Variants in LDB2 observed in about 807,000 individuals in gnomAD.
LDB2 encodes LIM domain-binding protein 2.
A neutral mutation model predicts 44.3 loss-of-function variants in LDB2; 12 were observed. The observed-to-expected ratio is 0.27, with a 90% CI of 0.17 to 0.44. LDB2 has a LOEUF of 0.44. Ranked by LOEUF, LDB2 falls within the 20% of genes least tolerant of loss-of-function variation. LDB2 has a pLI of 1.00. For missense variants in LDB2, 344 were observed against 473.5 expected, an observed-to-expected ratio of 0.73 and a Z score of 2.54; for synonymous variants, 164 against 174.8, an observed-to-expected ratio of 0.94 and a Z score of 0.49.
intron 1 of LDB2, among the ~76,000 whole-genome samples, chr4:16,806,202 T>G (rs944290348): frequency 9.9e-5 from 15 of 152,234 alleles, no homozygotes; most frequent in Middle Eastern, 3.2e-3. Flanking sequence ...TTTCAGTTCC[T>G]GAGCAGCCAA....
At chr4:16,635,931 GC>G (rs1165089658) in intron 2 of LDB2, among the ~76,000 whole-genome samples, 2 of 152,124 alleles carry the variant, frequency 1.3e-5, no homozygotes. Flanking sequence ...TGTTTTGGAG[GC>G]TCTGGTCTTC....
intron 2 of LDB2, chr4:16,752,555 G>A (rs1765693605): frequency 2.8e-6 from 1 of 361,212 alleles, no homozygotes; most frequent in African/African-American, 2.2e-5. Flanking sequence ...ATGGTAATTT[G>A]AAGTGGCTGT....
At chr4:16,882,394 A>G (rs111939368) in intron 1 of LDB2, among the ~76,000 whole-genome samples, 36 of 152,286 alleles carry the variant, frequency 2.4e-4, no homozygotes, top group African/African-American at 8.4e-4. Flanking sequence ...CCTTTTCAGC[A>G]GAGTTCTTTC....
chr4:16,752,098 C>T (rs1209965762), intron 2 of LDB2, among the ~76,000 whole-genome samples: 1 of 152,178 alleles, frequency 6.6e-6, no homozygotes, highest in Non-Finnish European at 1.5e-5. Context: ...TTTTAAGCAA[C>T]CAAGATGCCA....
At position 16,595,797 on chromosome 4, in the gene LDB2, T is replaced by C; in HGVS notation, c.314A>G (p.Lys105Arg). Reference protein sequence around the residue: ...GGVTDLYYILKHSKESYHNSS... With the variant: ...GGVTDLYYILRHSKESYHNSS... Reference sequence around the variant, plus strand: ...GTTGTGGTATGACTCTTTCGAGTGTTTGAGAATGTAATACAGGTCGGTCAC... The same window carrying C: ...GTTGTGGTATGACTCTTTCGAGTGTCTGAGAATGTAATACAGGTCGGTCAC... Residue 105 changes from lysine to arginine, a missense_variant, in exon 3 of 8, where the codon AAA becomes AGA. Around this residue, in one of 3 missense-constraint regions of LDB2, gnomAD observed 226 missense variants for 270.1 expected, o/e 0.84. Transcript: ENST00000304523. 1.2e-6 allele frequency: 2 copies of C among 1,613,612 alleles called. No individual in the cohort carries two copies. The highest frequency in any genetic ancestry group is 1.7e-6 in the Non-Finnish European group (2 of 1,179,814).
intron 2 of LDB2, among the ~76,000 whole-genome samples, chr4:16,753,616 A>G (rs745932247): frequency 1.3e-5 from 2 of 152,190 alleles, no homozygotes; most frequent in African/African-American, 2.4e-5. Flanking sequence ...ATTTCTTAAA[A>G]CAACTTTTCT....
chr4:16,821,467 T>C (rs1372773288), intron 1 of LDB2, among the ~76,000 whole-genome samples: 5 of 149,952 alleles, frequency 3.3e-5, no homozygotes, highest in African/African-American at 1.2e-4. Context: ...CACTGCAAGC[T>C]CCACCTCCCG....
intron 2 of LDB2, among the ~76,000 whole-genome samples, chr4:16,681,747 A>G (rs999650406): frequency 7.3e-6 from 1 of 136,342 alleles, no homozygotes; most frequent in African/African-American, 2.8e-5. Context: ...ATTTTTTTGT[A>G]TTTTTAGTAG....
intron 2 of LDB2, among the ~76,000 whole-genome samples, chr4:16,671,846 C>T (rs374743869): frequency 1.1e-4 from 16 of 151,758 alleles, no homozygotes; most frequent in South Asian, 2.1e-4. Flanking sequence ...TTACACTGTC[C>T]AGGCAAAAGA....
chr4:16,714,665 T>C (rs1202413813), intron 2 of LDB2, among the ~76,000 whole-genome samples: 3 of 152,186 alleles, frequency 2.0e-5, no homozygotes, highest in Non-Finnish European at 4.4e-5. Context: ...CTTACAGTTG[T>C]AGAGGACAGA....
chr4:16,547,881 G>T (rs1347617398), intron 5 of LDB2, among the ~76,000 whole-genome samples: 1 of 152,024 alleles, frequency 6.6e-6, no homozygotes, highest in Non-Finnish European at 1.5e-5. Context: ...CATAGAAAGT[G>T]TGTTTTCTTT....
At chr4:16,783,677 T>C (rs1773797312) in intron 1 of LDB2, among the ~76,000 whole-genome samples, 1 of 152,222 alleles carries the variant, frequency 6.6e-6, no homozygotes, top group Non-Finnish European at 1.5e-5. Context: ...TACATGGTTG[T>C]TTTCTTTGCC....
chr4:16,617,962 T>C (rs1727787736), intron 2 of LDB2, among the ~76,000 whole-genome samples: 1 of 152,182 alleles, frequency 6.6e-6, no homozygotes, highest in African/African-American at 2.4e-5. Context: ...GCATTCTTTC[T>C]GACTGCTCTT....
chr4:16,600,940 G>A (rs1722410834), intron 2 of LDB2, among the ~76,000 whole-genome samples: 1 of 151,970 alleles, frequency 6.6e-6, no homozygotes, highest in Non-Finnish European at 1.5e-5. Context: ...AAAGCAGAAG[G>A]TCTGCCTTTT....
intron 2 of LDB2, among the ~76,000 whole-genome samples, chr4:16,755,891 C>T (rs1176717825): frequency 6.6e-6 from 1 of 152,134 alleles, no homozygotes; most frequent in African/African-American, 2.4e-5. Context: ...GTCTAATAAC[C>T]TGGCCCATCC....
chr4:16,898,308 G>C (rs1299003120), intron 1 of LDB2, 46 bp downstream of exon 1: 1 of 1,587,622 alleles, frequency 6.3e-7, no homozygotes, highest in South Asian at 1.1e-5. Flanking sequence ...CTCATGCATA[G>C]CTTAACAAAA....
Position 16,618,041 on chromosome 4 carries a change from G to C in LDB2, c.236-22166C>G, listed in dbSNP as rs535853745. 3.9e-5 allele frequency among the ~76,000 whole-genome samples: 6 copies of C among 152,084 alleles called. No individual in the cohort carries two copies. The South Asian group carries it at 1.2e-3, about 32-fold the overall frequency. ...CCAACTTGGGAACTACTTCCTCCAG[G>C]GTGCCTTCTCTGATTTCCACAGGCC... On this transcript the variant is annotated intron_variant, in intron 2 of 7. Transcript: ENST00000304523.
chr4:16,588,613 G>C, intron 4 of LDB2, 97 bp downstream of exon 4: 1 of 1,280,994 alleles, frequency 7.8e-7, no homozygotes, highest in East Asian at 2.3e-5. Context: ...ACAACTACTG[G>C]AATTCTTTCA....
chr4:16,693,101 T>C (rs1216516190), intron 2 of LDB2, among the ~76,000 whole-genome samples: 1 of 152,194 alleles, frequency 6.6e-6, no homozygotes, highest in Non-Finnish European at 1.5e-5. Flanking sequence ...GGCCTTGGCT[T>C]GGCTTCAGGC....
Sources: gnomAD v4.1 joint callset for allele counts (sites outside exome capture counted in the v4.1 genomes callset) on GRCh38, gnomAD v4.1.1 for gene constraint, gnomAD v4.1.1 regional missense constraint, MANE v1.5 for transcripts, NCBI Gene and HGNC (gene_info 2026-07-23, HGNC 2026-07-21) for gene names.